CNTNAP3B: variants seen among roughly 807,000 people sequenced by gnomAD.
CNTNAP3B encodes the protein contactin associated protein family member 3B.
Under a neutral mutation model 108.9 loss-of-function variants are expected in CNTNAP3B, and 25 were observed. The observed-to-expected ratio is 0.23, with a 90% CI of 0.17 to 0.32. CNTNAP3B has a LOEUF of 0.32. CNTNAP3B is among the 10% of genes least tolerant of loss of function. The probability of loss-of-function intolerance (pLI) is 1.00; values close to 1 mark genes in which losing one functional copy is unlikely to be tolerated. For synonymous variants in CNTNAP3B, 103 were observed against 473.4 expected (o/e 0.22, Z 10.16); for missense variants, 252 against 1,210.4 (o/e 0.21, Z 11.75).
intron 14 of CNTNAP3B, among the ~76,000 whole-genome samples, chr9:41,936,146 A>G (rs1204470873): frequency 6.6e-6 from 1 of 152,296 alleles, no homozygotes; most frequent in Non-Finnish European, 1.5e-5. Context: ...CAGGTGTGGC[A>G]CTCGGCTGTA....
intron 18 of CNTNAP3B, among the ~76,000 whole-genome samples, chr9:41,918,601 T>A (rs1464384820): frequency 7.0e-6 from 1 of 142,698 alleles, no homozygotes; most frequent in East Asian, 2.0e-4. Context: ...CTTATTAGAT[T>A]AGGTAATCTA....
intron 13 of CNTNAP3B, among the ~76,000 whole-genome samples, chr9:41,942,107 G>A (rs1322736173): frequency 6.6e-6 from 1 of 152,292 alleles, no homozygotes; most frequent in African/African-American, 2.4e-5. Context: ...GAAGGGGAAG[G>A]AAGCTGAGAA....
At chr9:41,944,440 C>G (rs1302862292) in intron 13 of CNTNAP3B, among the ~76,000 whole-genome samples, 1 of 152,048 alleles carries the variant, frequency 6.6e-6, no homozygotes, top group Admixed American at 6.6e-5. Context: ...TTATAAAGTA[C>G]CAGCACCATT....
intron 1 of CNTNAP3B, among the ~76,000 whole-genome samples, chr9:42,124,449 T>C (rs1686404540): frequency 7.3e-6 from 1 of 137,600 alleles, no homozygotes; most frequent in Non-Finnish European, 1.5e-5. Context: ...TATGAATTCC[T>C]TGACAAAATA....
intron 3 of CNTNAP3B, among the ~76,000 whole-genome samples, chr9:42,061,393 C>T (rs1300328881): frequency 7.5e-6 from 1 of 132,584 alleles, no homozygotes; most frequent in Non-Finnish European, 1.6e-5. Context: ...GCTTGGCTCA[C>T]TGCAATCTCT....
At chr9:42,062,051 T>TC (rs1827189354) in intron 3 of CNTNAP3B, among the ~76,000 whole-genome samples, 1 of 54,406 alleles carries the variant, frequency 1.8e-5, no homozygotes, top group African/African-American at 6.1e-5. Flanking sequence ...TTATCCTTCT[T>TC]TTTTTTTTGA....
At position 42,121,010 on chromosome 9, in the gene CNTNAP3B, G is replaced by A. The variant is rs947058122; in HGVS notation, c.85+8000C>T. On this transcript the variant is annotated intron_variant, in intron 1 of 23. Coordinates refer to ENST00000377561, the MANE Select transcript of CNTNAP3B (RefSeq NM_001201380.3). ...TAAAAAATTAAAAAGTTCAGTGTTC[G>A]AGTTCTCTCTTTGTCTCTTGGCCTC... Among the ~76,000 whole-genome samples the A allele has an allele frequency of 7.9e-5, 11 of 138,544 alleles. 2 individuals are homozygous for A. Among genetic ancestry groups the A allele is most frequent in the African/African-American group, 1.1e-4 (4 of 34,844 alleles). The allele number at this position is 138,544 out of a possible 152,430, so 90.9% of individuals were successfully genotyped here.
rs1407553615 is a variant in CNTNAP3B at position 42,095,516 on chromosome 9, G to C, written c.196+9113C>G. On this transcript the variant is annotated intron_variant, in intron 2 of 23. Coordinates refer to ENST00000377561, the MANE Select transcript of CNTNAP3B (RefSeq NM_001201380.3). The stretch of plus-strand genomic sequence containing the variant: ...ACAACATCACATTAATTTGAGGCTA[G>C]AGAAGATACTGACTATAACCCTGAC... 1.4e-5 allele frequency among the ~76,000 whole-genome samples: 2 copies of C among 139,228 alleles called. 1 individual carries two copies. Among genetic ancestry groups the C allele is most frequent in the East Asian group, 4.3e-4 (2 of 4,618 alleles). 91.3% of individuals were successfully genotyped at this position (139,228 alleles called of 152,430 possible).
At chr9:42,096,173 G>T (rs1366448584) in intron 2 of CNTNAP3B, among the ~76,000 whole-genome samples, 1 of 139,586 alleles carries the variant, frequency 7.2e-6, no homozygotes, top group South Asian at 2.3e-4. Flanking sequence ...TGCTCTTGGA[G>T]ACTGGCGTTC....
intron 1 of CNTNAP3B, among the ~76,000 whole-genome samples, chr9:42,110,588 G>C (rs201212393): frequency 2.9e-5 from 4 of 136,734 alleles, no homozygotes; most frequent in Non-Finnish European, 4.7e-5. Flanking sequence ...GTCTCGATTA[G>C]GTCAAATTCA....
At chr9:41,925,133 TAAG>T (rs1344408771) in intron 15 of CNTNAP3B, among the ~76,000 whole-genome samples, 3 of 151,440 alleles carry the variant, frequency 2.0e-5, no homozygotes, top group African/African-American at 4.9e-5. Flanking sequence ...TTTGACACTT[TAAG>T]GTTACAGAAA....
At chr9:41,933,959 C>T (rs1252565459) in intron 14 of CNTNAP3B, among the ~76,000 whole-genome samples, 1 of 148,966 alleles carries the variant, frequency 6.7e-6, no homozygotes, top group Non-Finnish European at 1.5e-5. Flanking sequence ...TTTTTCCTTG[C>T]TAAACGATAT....
intron 13 of CNTNAP3B, among the ~76,000 whole-genome samples, chr9:41,943,738 A>C (rs970177484): frequency 1.3e-5 from 2 of 151,850 alleles, no homozygotes; most frequent in African/African-American, 4.9e-5. Context: ...GAACCAGAAG[A>C]AATATTTAAA....
At chr9:42,112,461 C>T (rs1828213008) in intron 1 of CNTNAP3B, among the ~76,000 whole-genome samples, 1 of 139,068 alleles carries the variant, frequency 7.2e-6, no homozygotes, top group African/African-American at 2.9e-5. Flanking sequence ...TGCCTGCTGA[C>T]TGATGATTCT....
At chr9:42,112,869 T>TTG (rs1391982019) in intron 1 of CNTNAP3B, among the ~76,000 whole-genome samples, 1 of 38,776 alleles carries the variant, frequency 2.6e-5, no homozygotes, top group Non-Finnish European at 6.0e-5. Context: ...GTTTACAGAG[T>TTG]TTTTTTTTTT....
intron 13 of CNTNAP3B, among the ~76,000 whole-genome samples, chr9:41,951,061 G>A (rs1442447431): frequency 2.2e-4 from 20 of 90,666 alleles, no homozygotes; most frequent in African/African-American, 7.7e-4. Flanking sequence ...GCCAATAGGA[G>A]GAATTCTTGT....
rs1375483761 is a variant in CNTNAP3B, at chr9:42,115,679, CAGAA to C, written c.86-10944_86-10941del. On this transcript the variant is annotated intron_variant, in intron 1 of 23. Coordinates refer to ENST00000377561, the MANE Select transcript of CNTNAP3B (RefSeq NM_001201380.3). ...GACTCTTAGAAGGAAAACTAACAAA[CAGAA>C]AGGACAACCACACAAAACCCCATCT... 1.7e-5 allele frequency among the ~76,000 whole-genome samples: 2 copies of C among 116,926 alleles called. 1 individual carries two copies. The allele number at this position is 116,926 out of a possible 152,430, so 76.7% of individuals were successfully genotyped here.
intron 14 of CNTNAP3B, among the ~76,000 whole-genome samples, chr9:41,937,098 A>ATTTATTTTT (rs1824180586): frequency 2.1e-5 from 3 of 141,204 alleles, no homozygotes; most frequent in Admixed American, 7.0e-5. Flanking sequence ...TGACCATTAC[A>ATTTATTTTT]TTTTTTATTT....
chr9:42,017,117 T>C (rs1426231177), intron 3 of CNTNAP3B, among the ~76,000 whole-genome samples: 1 of 143,276 alleles, frequency 7.0e-6, no homozygotes, highest in Non-Finnish European at 1.5e-5. Flanking sequence ...AATCTGTGGC[T>C]TGGAGTCCAC....
Sources: allele counts gnomAD v4.1 joint callset (sites outside exome capture counted in the v4.1 genomes callset), GRCh38; gene constraint gnomAD v4.1.1; transcripts MANE v1.5; gene names NCBI Gene and HGNC (gene_info 2026-07-23, HGNC 2026-07-21).